The following ANK3 variants were observed in gnomAD, a reference collection of about 807,000 sequenced individuals.
ANK3 encodes the protein ankyrin 3.
Under a neutral mutation model 370.9 loss-of-function variants are expected in ANK3, and 57 were observed. That is an observed-to-expected ratio of 0.15 (90% CI 0.12 to 0.19). ANK3 has a LOEUF of 0.19. Ranked by LOEUF, ANK3 falls within the 10% of genes least tolerant of loss-of-function variation. The pLI is 1.00. For synonymous variants in ANK3, 1,929 were observed against 1,946.3 expected (o/e 0.99, Z 0.23); for missense variants, 4,439 against 5,302.1 (o/e 0.84, Z 5.06).
At chr10:60,561,223 G>C (rs529473226) in intron 2 of ANK3, among the ~76,000 whole-genome samples, 1 of 152,174 alleles carries the variant, frequency 6.6e-6, no homozygotes, top group African/African-American at 2.4e-5. Context: ...CAAATGCATG[G>C]AGTGGTGCAG....
intron 2 of ANK3, among the ~76,000 whole-genome samples, chr10:60,473,683 G>A (rs1180026962): frequency 6.6e-6 from 1 of 152,120 alleles, no homozygotes; most frequent in Non-Finnish European, 1.5e-5. Context: ...TTGGGGTGAG[G>A]AGATTGAAGC....
chr10:60,087,282 C>A lies in ANK3; in HGVS notation c.3541-398G>T, dbSNP rs11596260. The stretch of plus-strand genomic sequence containing the variant: ...AGGCAACTCATACCCACATAAAAAC[C>A]GAGGCTTTCAGAGTTAATAACAAAA... On this transcript the variant is annotated intron_variant, in intron 29 of 43. Coordinates refer to ENST00000280772, the MANE Select transcript of ANK3 (RefSeq NM_020987.5). 6.6e-5 allele frequency among the ~76,000 whole-genome samples: 10 copies of A among 152,046 alleles called. No homozygotes were observed. In the East Asian group the frequency reaches 1.9e-3, roughly 29 times the overall value.
Position 60,624,722 on chromosome 10 carries a change from TA to T in ANK3, c.58-9499del, listed in dbSNP as rs397947661. Among the ~76,000 whole-genome samples, 589 of 126,930 alleles carry T rather than the reference TA, an allele frequency of 4.6e-3. 1 individual carries two copies. Among genetic ancestry groups the T allele is most frequent in the Middle Eastern group, 0.012 (3 of 252 alleles). The allele number at this position is 126,930 out of a possible 152,430, so 83.3% of individuals were successfully genotyped here. A position where few individuals can be genotyped will look rare whatever the true frequency, so the allele number is the denominator to read the frequency against. ...ACAGTGCATGAGATTATAGTGGCTT[TA>T]AAAAAAAAAAAAAAAAACTGGTGGA... On this transcript the variant is annotated intron_variant, in intron 1 of 43. Transcript: ENST00000373827.
intron 37 of ANK3, among the ~76,000 whole-genome samples, 156 bp from the exon 38 acceptor site, chr10:60,068,165 G>A (rs1051557022): frequency 1.3e-5 from 2 of 152,132 alleles, no homozygotes; most frequent in Admixed American, 1.3e-4. Flanking sequence ...CTTTGCACAT[G>A]GCTCACTTGT....
chr10:60,629,374 AT>A, intron 1 of ANK3, among the ~76,000 whole-genome samples: 1 of 152,312 alleles, frequency 6.6e-6, no homozygotes, highest in Middle Eastern at 3.4e-3. Flanking sequence ...CAAGCATCAT[AT>A]TTAAAATATC....
intron 2 of ANK3, among the ~76,000 whole-genome samples, chr10:60,471,357 TAAG>T (rs2065214411): frequency 6.6e-6 from 1 of 152,194 alleles, no homozygotes; most frequent in African/African-American, 2.4e-5. Context: ...TTATTACTTT[TAAG>T]AAGATATTCT....
chr10:60,083,688 G>A (rs41274680), intron 32 of ANK3, 71 bp from the exon 33 acceptor site: 14 of 1,363,472 alleles, frequency 1.0e-5, no homozygotes, highest in Non-Finnish European at 1.0e-5. Context: ...TTTATGTCAC[G>A]TAACGTTAAA....
chr10:60,064,051 G>GAAATTATTTCTGTA, intron 39 of ANK3, 106 bp downstream of exon 39: 1 of 1,092,582 alleles, frequency 9.2e-7, no homozygotes, highest in African/African-American at 1.6e-5. Flanking sequence ...CTATATTAAA[G>GAAATTATTTCTGTA]ATTACAGAAA....
At chr10:60,629,412 T>C (rs370264680) in intron 1 of ANK3, among the ~76,000 whole-genome samples, 6 of 152,212 alleles carry the variant, frequency 3.9e-5, no homozygotes, top group African/African-American at 1.4e-4. Flanking sequence ...CAAAATATTA[T>C]GTTTGCTTTA....
chr10:60,360,260 A>T (rs1174265206), intron 1 of ANK3, among the ~76,000 whole-genome samples: 1 of 152,220 alleles, frequency 6.6e-6, no homozygotes, highest in Non-Finnish European at 1.5e-5. Flanking sequence ...GTGAGGATCT[A>T]CTTTTATCAG....
At chr10:60,296,794 T>A (rs557921404) in intron 1 of ANK3, among the ~76,000 whole-genome samples, 4 of 151,982 alleles carry the variant, frequency 2.6e-5, no homozygotes, top group Non-Finnish European at 4.4e-5. Flanking sequence ...GGGCTGAACA[T>A]AGTGGGGCCC....
At chr10:60,082,414 G>T (rs1031785228) in intron 34 of ANK3, 1 of 755,080 alleles carries the variant, frequency 1.3e-6, no homozygotes, top group Non-Finnish European at 2.1e-6. Flanking sequence ...AAGCAAAAGC[G>T]ATAAACAGAG....
chr10:60,629,949 T>C (rs2078460289), intron 1 of ANK3, among the ~76,000 whole-genome samples: 1 of 152,296 alleles, frequency 6.6e-6, no homozygotes, highest in African/African-American at 2.4e-5. Flanking sequence ...TAGATTTTAT[T>C]TTTTATTATT....
chr10:60,093,126 T>C (rs2089080920), intron 28 of ANK3, among the ~76,000 whole-genome samples: 1 of 152,222 alleles, frequency 6.6e-6, no homozygotes, highest in South Asian at 2.1e-4. Context: ...TTTTCACCTA[T>C]TCAATGTAAC....
chr10:60,047,883 T>C (rs1024732746), intron 42 of ANK3, among the ~76,000 whole-genome samples: 2 of 152,194 alleles, frequency 1.3e-5, no homozygotes, highest in South Asian at 2.1e-4. Context: ...ATTATCAAAT[T>C]GTATAGAGAT....
At chr10:60,302,524 T>G (rs989696072) in intron 1 of ANK3, among the ~76,000 whole-genome samples, 2 of 152,162 alleles carry the variant, frequency 1.3e-5, no homozygotes, top group Non-Finnish European at 2.9e-5. Flanking sequence ...ACAGCTATGT[T>G]GTGAAGCAAT....
intron 2 of ANK3, among the ~76,000 whole-genome samples, chr10:60,535,482 T>C (rs146477682): frequency 3.3e-5 from 5 of 152,060 alleles, no homozygotes; most frequent in African/African-American, 1.2e-4. Context: ...AAATACATAC[T>C]GGTGGGCTAT....
intron 1 of ANK3, among the ~76,000 whole-genome samples, chr10:60,643,500 ATATCTATCTATCTATCTATC>A (rs61461746): frequency 6.1e-5 from 9 of 146,716 alleles, no homozygotes; most frequent in Non-Finnish European, 1.2e-4. Context: ...ACTCCCCTTT[ATATCTATCTATCTATCTATC>A]TATCTATCTA....
chr10:60,068,554 GA>G, intron 37 of ANK3, 82 bp downstream of exon 37: 1 of 1,413,520 alleles, frequency 7.1e-7, no homozygotes, highest in Non-Finnish European at 9.6e-7. Flanking sequence ...TAGGGTCTAC[GA>G]GTTGGAAAGT....
Sources: gnomAD v4.1 joint callset for allele counts (sites outside exome capture counted in the v4.1 genomes callset) on GRCh38, gnomAD v4.1.1 for gene constraint, MANE v1.5 for transcripts, NCBI Gene and HGNC (gene_info 2026-07-23, HGNC 2026-07-21) for gene names.